The following FAM20C variants were observed in gnomAD, a reference collection of about 807,000 sequenced individuals.
FAM20C encodes FAM20C golgi associated secretory pathway kinase, also known as extracellular serine/threonine protein kinase FAM20C.
In FAM20C, 40 loss-of-function variants were observed where a neutral mutation model predicts 51.5. The observed-to-expected ratio is 0.78, with a 90% confidence interval of 0.60 to 1.01. FAM20C has a LOEUF of 1.01. FAM20C is among the 50% of genes least tolerant of loss of function. The pLI is 0.00. For synonymous variants in FAM20C, 406 were observed against 380.6 expected (o/e 1.07, Z -0.78); for missense variants, 861 against 844.7 (o/e 1.02, Z -0.24).
At chr7:235,959 T>TA (rs1459026735) in intron 3 of FAM20C, among the ~76,000 whole-genome samples, 1 of 152,212 alleles carries the variant, frequency 6.6e-6, no homozygotes, top group Non-Finnish European at 1.5e-5. Flanking sequence ...CTGGATCTGA[T>TA]AACATCTTTC....
At chr7:223,920 C>T (rs1425233574) in intron 3 of FAM20C, among the ~76,000 whole-genome samples, 1 of 152,188 alleles carries the variant, frequency 6.6e-6, no homozygotes, top group African/African-American at 2.4e-5. Context: ...GGGTGCTGCC[C>T]CTGAGGGGCA....
At chr7:241,134 C>A in intron 3 of FAM20C, among the ~76,000 whole-genome samples, 1 of 151,760 alleles carries the variant, frequency 6.6e-6, no homozygotes, top group Non-Finnish European at 1.5e-5. Context: ...TTCCTTGCCC[C>A]TGGGGCTGCT....
intron 2 of FAM20C, 100 bp from the exon 3 acceptor site, chr7:208,798 C>A: frequency 4.9e-6 from 6 of 1,227,414 alleles, no homozygotes; most frequent in Middle Eastern, 1.9e-4. Context: ...CTGGACCATG[C>A]CCAGAGGACC....
rs1473880741 is a variant in FAM20C at position 256,027 on chromosome 7, C to T, written c.1251C>T (p.Ala417=). 5.2e-6 allele frequency: 8 copies of T among 1,535,434 alleles called. No individual in the cohort carries two copies. In the Admixed American group the frequency reaches 7.9e-5, roughly 15 times the overall value. ...GTTCCTACCACAAGCGCAAGAAGGC[C>T]GAGTGAGTGCGGGGCCGGGGGGCTG... ...WRRSYHKRKK[A]EWEVDPDYCE... is the part of the protein sequence containing the mutation. The change falls in exon 6 of 10, where the codon GCC becomes GCT. Residue 417 remains alanine (A), a splice_region_variant and synonymous_variant. Transcript: ENST00000313766.
At chr7:243,944 A>AATAATAATAATTATT (rs771341264) in intron 3 of FAM20C, among the ~76,000 whole-genome samples, 98 of 136,840 alleles carry the variant, frequency 7.2e-4, no homozygotes, top group Non-Finnish European at 1.0e-3. Flanking sequence ...TAATAATAAT[A>AATAATAATAATTATT]ATTATTATTA....
At chr7:250,004 G>A (rs1005825842) in intron 5 of FAM20C, among the ~76,000 whole-genome samples, 12 of 152,222 alleles carry the variant, frequency 7.9e-5, no homozygotes, top group African/African-American at 2.9e-4. Flanking sequence ...TGCAGAGCAA[G>A]GTCCCCACTG....
At chr7:252,672 G>A (rs564943444) in intron 5 of FAM20C, among the ~76,000 whole-genome samples, 50 of 152,362 alleles carry the variant, frequency 3.3e-4, no homozygotes, top group South Asian at 2.3e-3. Context: ...GCCAAGGCCA[G>A]TGCTCGGGGA....
rs367792373 is a variant in FAM20C, at chr7:194,991, T to C, written c.606-563T>C. ...CCATGGGAGCCTGGGCTGGAGAGAG[T>C]GCTGCCTCCTTCCTCTCTCCCCACC... is the stretch of plus-strand genomic sequence containing the variant. On this transcript the variant is annotated intron_variant, in intron 1 of 9. Coordinates refer to ENST00000313766, the MANE Select transcript of FAM20C (RefSeq NM_020223.4). Among the ~76,000 whole-genome samples the C allele has an allele frequency of 5.3e-5, 8 of 152,108 alleles. No individual in the cohort carries two copies. In the East Asian group the frequency reaches 5.8e-4, roughly 11 times the overall value.
intron 3 of FAM20C, among the ~76,000 whole-genome samples, chr7:242,517 T>G (rs893361795): frequency 6.7e-6 from 1 of 149,432 alleles, no homozygotes. Flanking sequence ...TTCGGTGCAC[T>G]GGGGGCAGGG....
At chr7:217,136 G>C (rs1787021148) in intron 3 of FAM20C, among the ~76,000 whole-genome samples, 1 of 152,142 alleles carries the variant, frequency 6.6e-6, no homozygotes, top group African/African-American at 2.4e-5. Context: ...CCCCCCAGGG[G>C]TGAGCAGATG....
chr7:211,262 C>G (rs543065705), intron 3 of FAM20C, among the ~76,000 whole-genome samples: 3 of 150,552 alleles, frequency 2.0e-5, no homozygotes, highest in South Asian at 4.3e-4. Flanking sequence ...CCCCAGCCTC[C>G]TCCACCCTCC....
intron 3 of FAM20C, among the ~76,000 whole-genome samples, chr7:234,171 G>A (rs891468945): frequency 1.3e-5 from 2 of 152,244 alleles, no homozygotes; most frequent in South Asian, 2.1e-4. Context: ...AGGAGAGCAC[G>A]AGAGCCTTCC....
intron 3 of FAM20C, among the ~76,000 whole-genome samples, chr7:226,313 A>AG (rs1172022399): frequency 6.6e-6 from 1 of 151,790 alleles, no homozygotes; most frequent in Non-Finnish European, 1.5e-5. Context: ...ACCGGCTAGG[A>AG]GGGGCCCTGG....
chr7:258,490 T>G (rs565583180), intron 8 of FAM20C, among the ~76,000 whole-genome samples, 156 bp from the exon 9 acceptor site: 6 of 133,360 alleles, frequency 4.5e-5, no homozygotes, highest in African/African-American at 2.0e-4. Flanking sequence ...ATGGGTGGGA[T>G]GGACCCACTG....
chr7:208,295 G>A (rs866318778), intron 2 of FAM20C, among the ~76,000 whole-genome samples: 7 of 151,676 alleles, frequency 4.6e-5, no homozygotes, highest in South Asian at 2.1e-4. Flanking sequence ...ACACCTGGCC[G>A]TCCCGTCGAG....
chr7:235,759 G>A lies in FAM20C; in HGVS notation c.864-10656G>A, dbSNP rs1354197640. ...CTGCATGGAGGGTCAGTGGTGGACG[G>A]GGCTGCCCACCTGTCCCACTCGCTG... On this transcript the variant is annotated intron_variant, in intron 3 of 9. Transcript: ENST00000313766. Among the ~76,000 whole-genome samples, 7 of 152,292 alleles carry A rather than the reference G, an allele frequency of 4.6e-5. No homozygotes were observed. The East Asian group carries it at 5.8e-4, about 13-fold the overall frequency.
chr7:207,364 C>CCACTGTGACGCGTT (rs1786471960), intron 2 of FAM20C, among the ~76,000 whole-genome samples: 2 of 132,116 alleles, frequency 1.5e-5, no homozygotes, highest in East Asian at 5.3e-4. Flanking sequence ...TGTGAGGCGT[C>CCACTGTGACGCGTT]GGTCACTGTC....
At chr7:222,852 G>C (rs1399392161) in intron 3 of FAM20C, among the ~76,000 whole-genome samples, 1 of 145,280 alleles carries the variant, frequency 6.9e-6, no homozygotes, top group Non-Finnish European at 1.5e-5. Flanking sequence ...TGCATGTCCT[G>C]TGTGGGTGCA....
Position 192,738 on chromosome 7 carries a change from C to G in FAM20C, c.-462C>G, listed in dbSNP as rs945517947. On this transcript the variant is annotated 5_prime_UTR_variant, in exon 1 of 10. Transcript: ENST00000313766. ...GCAGAGCCCGGCCCGGAGGAGCCGCCCCTTCCCCGCCCGCCCGCCCGGCGC... is the reference window on the plus strand; with the variant it reads ...GCAGAGCCCGGCCCGGAGGAGCCGCGCCTTCCCCGCCCGCCCGCCCGGCGC... 4.0e-5 allele frequency among the ~76,000 whole-genome samples: 6 copies of G among 148,930 alleles called. No individual in the cohort carries two copies. Among genetic ancestry groups the G allele is most frequent in the Admixed American group, 2.7e-4 (4 of 15,048 alleles).
Sources: gnomAD v4.1 joint callset for allele counts (sites outside exome capture counted in the v4.1 genomes callset) on GRCh38, gnomAD v4.1.1 for gene constraint, MANE v1.5 for transcripts, NCBI Gene and HGNC (gene_info 2026-07-23, HGNC 2026-07-21) for gene names.